The following DIAPH3 variants were observed in gnomAD, a reference collection of about 807,000 sequenced individuals.
The protein encoded by DIAPH3 is protein diaphanous homolog 3.
DIAPH3 carries 117 observed loss-of-function variants against 144.3 expected under a neutral mutation model. That is an observed-to-expected ratio of 0.81 (90% CI 0.70 to 0.95). The LOEUF is 0.95. Ranked by LOEUF, DIAPH3 falls within the 40% of genes least tolerant of loss-of-function variation. The pLI, the probability that DIAPH3 is intolerant of heterozygous loss-of-function variation, is 0.00. For missense variants in DIAPH3, 1,421 were observed against 1,412.7 expected, an observed-to-expected ratio of 1.01 and a Z score of -0.09; for synonymous variants, 519 against 488.9, an observed-to-expected ratio of 1.06 and a Z score of -0.81.
chr13:59,704,692 T>C (rs148401606), intron 27 of DIAPH3, among the ~76,000 whole-genome samples: 1 of 152,326 alleles, frequency 6.6e-6, no homozygotes, highest in East Asian at 1.9e-4. Flanking sequence ...GTATTCAGCA[T>C]AGTAACATGT....
intron 17 of DIAPH3, among the ~76,000 whole-genome samples, chr13:59,954,340 G>A (rs1208731757): frequency 6.6e-6 from 1 of 152,124 alleles, no homozygotes; most frequent in Non-Finnish European, 1.5e-5. Flanking sequence ...CCTTTAACTT[G>A]TAAGTTACTT....
intron 17 of DIAPH3, among the ~76,000 whole-genome samples, chr13:59,953,461 C>A (rs558592935): frequency 5.8e-4 from 88 of 152,210 alleles, no homozygotes; most frequent in Non-Finnish European, 8.8e-4. Context: ...TCCAGGTGGG[C>A]TCTCCAATGC....
chr13:59,809,673 T>C (rs1209985741), intron 25 of DIAPH3, among the ~76,000 whole-genome samples: 1 of 152,168 alleles, frequency 6.6e-6, no homozygotes, highest in African/African-American at 2.4e-5. Flanking sequence ...TTCCCTGAAT[T>C]TCAAATATAA....
At chr13:59,905,015 C>G (rs1042710599) in intron 20 of DIAPH3, among the ~76,000 whole-genome samples, 1 of 151,914 alleles carries the variant, frequency 6.6e-6, no homozygotes, top group Non-Finnish European at 1.5e-5. Context: ...AATGATTATG[C>G]AAGGAAAAGA....
At chr13:59,886,703 TTA>T (rs1283521139) in intron 20 of DIAPH3, among the ~76,000 whole-genome samples, 2 of 152,078 alleles carry the variant, frequency 1.3e-5, no homozygotes, top group African/African-American at 4.8e-5. Flanking sequence ...CAAAGTATTT[TTA>T]GTTTTTTTTA....
At chr13:59,813,257 G>A (rs1336968507) in intron 24 of DIAPH3, among the ~76,000 whole-genome samples, 3 of 151,840 alleles carry the variant, frequency 2.0e-5, no homozygotes, top group Non-Finnish European at 4.4e-5. Context: ...CCTGTTAGTA[G>A]GTAAACTCTC....
chr13:59,811,390 A>G (rs1053958237), intron 24 of DIAPH3, among the ~76,000 whole-genome samples: 2 of 152,202 alleles, frequency 1.3e-5, no homozygotes, highest in Admixed American at 6.5e-5. Context: ...ACTTTTTATT[A>G]CAATCATATA....
chr13:59,769,994 C>T (rs775980998), intron 27 of DIAPH3, among the ~76,000 whole-genome samples: 1 of 151,996 alleles, frequency 6.6e-6, no homozygotes, highest in Non-Finnish European at 1.5e-5. Context: ...TTTAATGTTG[C>T]CACACTTTGC....
At chr13:60,088,545 G>A (rs576173298) in intron 4 of DIAPH3, among the ~76,000 whole-genome samples, 62 of 152,166 alleles carry the variant, frequency 4.1e-4, no homozygotes, top group African/African-American at 1.3e-3. Context: ...CAGATTACCC[G>A]GACAAACCTG....
chr13:59,743,893 A>G (rs965738052), intron 27 of DIAPH3, among the ~76,000 whole-genome samples: 1 of 152,190 alleles, frequency 6.6e-6, no homozygotes, highest in Non-Finnish European at 1.5e-5. Context: ...AATAGAGGAA[A>G]AAAGTCTACA....
Position 60,112,131 on chromosome 13 carries a change from A to G in DIAPH3, c.269T>C (p.Leu90Pro). ...IPGSKKERPP[L>P]PNLKTAFASS... ...TGCAAATGCAGTCTTCAGGTTGGGAAGTGGAGGTCTCTCTTTCTTGCTCCC... is the reference window on the plus strand; with the variant it reads ...TGCAAATGCAGTCTTCAGGTTGGGAGGTGGAGGTCTCTCTTTCTTGCTCCC... Residue 90 changes from leucine to proline, a missense_variant, in exon 3 of 28, where the codon CTT (leucine) becomes CCT (proline). Transcript: ENST00000400324. 6.2e-7 allele frequency: 1 copy of G among 1,614,152 alleles called. No homozygotes were observed. The highest frequency in any genetic ancestry group is 1.1e-5 in the South Asian group (1 of 91,082).
rs116573854 is a variant in DIAPH3, at chr13:59,701,385, C to T, written c.3320-34539G>A. ...AGTGCCTCTCTAGAGACATACACAG[C>T]ACTTTGGCATAGAGGTGGGAACAGT... On this transcript the variant is annotated intron_variant, in intron 27 of 27. Coordinates refer to ENST00000400324, the MANE Select transcript of DIAPH3 (RefSeq NM_001042517.2). 5.3e-4 allele frequency among the ~76,000 whole-genome samples: 81 copies of T among 152,310 alleles called. 1 individual carries two copies. Among genetic ancestry groups the T allele is most frequent in the African/African-American group, 1.9e-3 (80 of 41,570 alleles).
At chr13:59,703,110 A>G (rs1022473165) in intron 27 of DIAPH3, among the ~76,000 whole-genome samples, 1 of 152,138 alleles carries the variant, frequency 6.6e-6, no homozygotes, top group Non-Finnish European at 1.5e-5. Flanking sequence ...CCTTATATAC[A>G]TGTAAAACTG....
intron 1 of DIAPH3, among the ~76,000 whole-genome samples, chr13:60,143,981 G>T (rs1226782304): frequency 6.6e-6 from 1 of 152,270 alleles, no homozygotes; most frequent in African/African-American, 2.4e-5. Context: ...ATGGAGAAAT[G>T]ATCTCATTTC....
intron 27 of DIAPH3, among the ~76,000 whole-genome samples, chr13:59,739,301 T>C (rs2036319075): frequency 1.3e-5 from 2 of 152,206 alleles, no homozygotes; most frequent in African/African-American, 4.8e-5. Flanking sequence ...TACTGAACTG[T>C]TGGAGGCTGC....
At chr13:59,699,249 G>A (rs115599941) in intron 27 of DIAPH3, among the ~76,000 whole-genome samples, 597 of 152,310 alleles carry the variant, frequency 3.9e-3, no homozygotes, top group African/African-American at 0.013. Flanking sequence ...CTCTCACAAA[G>A]GGATAATGGA....
chr13:59,932,948 T>C (rs1594039622), intron 17 of DIAPH3, among the ~76,000 whole-genome samples: 1 of 152,086 alleles, frequency 6.6e-6, no homozygotes, highest in Non-Finnish European at 1.5e-5. Flanking sequence ...ATAACAAAAG[T>C]TTTGTTTGTT....
At chr13:59,672,368 G>C (rs184112525) in intron 27 of DIAPH3, among the ~76,000 whole-genome samples, 7 of 152,240 alleles carry the variant, frequency 4.6e-5, no homozygotes, top group African/African-American at 1.7e-4. Context: ...TGGCAGCCTT[G>C]ACAGGAGGAA....
intron 17 of DIAPH3, among the ~76,000 whole-genome samples, chr13:59,937,549 T>A (rs1481702440): frequency 6.6e-6 from 1 of 152,132 alleles, no homozygotes; most frequent in Non-Finnish European, 1.5e-5. Context: ...CAATGCCACA[T>A]TAAATCATAG....
Sources: gnomAD v4.1 joint callset for allele counts (sites outside exome capture counted in the v4.1 genomes callset) on GRCh38, gnomAD v4.1.1 for gene constraint, MANE v1.5 for transcripts, NCBI Gene and HGNC (gene_info 2026-07-23, HGNC 2026-07-21) for gene names.